ULK4: variants seen among roughly 807,000 people sequenced by gnomAD.
ULK4 encodes the protein inactive serine/threonine-protein kinase ULK4.
A neutral mutation model predicts 160.6 loss-of-function variants in ULK4; 133 were observed. That is an observed-to-expected ratio of 0.83 (90% CI 0.72 to 0.96). The LOEUF is 0.96. Ranked by LOEUF, ULK4 falls within the 40% of genes least tolerant of loss-of-function variation. The probability of loss-of-function intolerance (pLI) is 0.00; values close to 1 mark genes in which losing one functional copy is unlikely to be tolerated. For missense variants in ULK4, 1,580 were observed against 1,499.5 expected (o/e 1.05, Z -0.89); for synonymous variants, 534 against 539.8 (o/e 0.99, Z 0.15).
intron 36 of ULK4, among the ~76,000 whole-genome samples, chr3:41,248,720 G>A (rs780558800): frequency 8.5e-5 from 13 of 152,220 alleles, no homozygotes; most frequent in Non-Finnish European, 1.8e-4. Flanking sequence ...TCCAGTGAAG[G>A]TCAGGCACCC....
chr3:41,769,731 A>T (rs1198366900), intron 21 of ULK4, among the ~76,000 whole-genome samples: 3 of 152,254 alleles, frequency 2.0e-5, no homozygotes, highest in Non-Finnish European at 2.9e-5. Flanking sequence ...AAAATATTTC[A>T]CTATCAAAAT....
At chr3:41,796,750 G>C (rs2040311280) in intron 20 of ULK4, among the ~76,000 whole-genome samples, 1 of 152,066 alleles carries the variant, frequency 6.6e-6, no homozygotes, top group South Asian at 2.1e-4. Context: ...ATCTAGCTTT[G>C]AATAGTGAGA....
At chr3:41,459,378 G>A (rs1468464978) in intron 33 of ULK4, among the ~76,000 whole-genome samples, 2 of 152,046 alleles carry the variant, frequency 1.3e-5, no homozygotes, top group East Asian at 1.9e-4. Context: ...AGTTCCTGTC[G>A]TTATATCTCC....
intron 22 of ULK4, among the ~76,000 whole-genome samples, chr3:41,745,517 C>T (rs73069392): frequency 0.2 from 29,717 of 151,280 alleles, 3,239 homozygotes; most frequent in Middle Eastern, 0.34. Context: ...TAAAAGTTCC[C>T]GAAGATAAAT....
At chr3:41,665,428 A>G (rs2035321265) in intron 29 of ULK4, among the ~76,000 whole-genome samples, 1 of 152,190 alleles carries the variant, frequency 6.6e-6, no homozygotes, top group Non-Finnish European at 1.5e-5. Flanking sequence ...GCTCATACTC[A>G]AATGGGACCT....
intron 17 of ULK4, among the ~76,000 whole-genome samples, chr3:41,856,619 A>G (rs1475777244): frequency 2.5e-5 from 3 of 119,232 alleles, no homozygotes; most frequent in East Asian, 5.9e-4. Context: ...ATATATACAC[A>G]TATATATATA....
chr3:41,247,071 T>A, intron 36 of ULK4, 79 bp from the exon 37 acceptor site: 1 of 1,384,206 alleles, frequency 7.2e-7, no homozygotes, highest in African/African-American at 1.4e-5. Flanking sequence ...GGGGCCAGCC[T>A]CTTTTGCACC....
intron 31 of ULK4, among the ~76,000 whole-genome samples, chr3:41,609,480 T>C (rs532168848): frequency 6.6e-6 from 1 of 152,314 alleles, no homozygotes; most frequent in South Asian, 2.1e-4. Flanking sequence ...ACCTCACATG[T>C]ACTTTAATGG....
At chr3:41,272,073 C>T (rs2079147050) in intron 35 of ULK4, among the ~76,000 whole-genome samples, 1 of 152,100 alleles carries the variant, frequency 6.6e-6, no homozygotes, top group Non-Finnish European at 1.5e-5. Flanking sequence ...TGTGCCACAA[C>T]ACCCAGCTAA....
At chr3:41,851,390 CG>C (rs2042209384) in intron 17 of ULK4, among the ~76,000 whole-genome samples, 3 of 152,022 alleles carry the variant, frequency 2.0e-5, no homozygotes, top group Admixed American at 2.0e-4. Context: ...GATTGATTTG[CG>C]TATGTTGAAC....
intron 32 of ULK4, among the ~76,000 whole-genome samples, chr3:41,542,029 C>G (rs1286428320): frequency 6.6e-6 from 1 of 152,122 alleles, no homozygotes; most frequent in Non-Finnish European, 1.5e-5. Context: ...GCCTGATTGT[C>G]CTGGCCAGAA....
intron 35 of ULK4, among the ~76,000 whole-genome samples, chr3:41,345,175 G>A (rs1312430497): frequency 6.6e-6 from 1 of 152,202 alleles, no homozygotes; most frequent in Non-Finnish European, 1.5e-5. Flanking sequence ...CACTGTTGGT[G>A]GGAGTGTAAT....
intron 4 of ULK4, among the ~76,000 whole-genome samples, chr3:41,935,209 A>ATTTATTTATTTTTTTTTT (rs1559660879): frequency 7.4e-6 from 1 of 135,612 alleles, no homozygotes; most frequent in African/African-American, 3.3e-5. Flanking sequence ...TTATTTATTT[A>ATTTATTTATTTTTTTTTT]TTTTTTTTTT....
intron 22 of ULK4, among the ~76,000 whole-genome samples, chr3:41,744,101 C>T (rs2038336988): frequency 1.3e-5 from 2 of 151,712 alleles, no homozygotes; most frequent in South Asian, 2.1e-4. Flanking sequence ...CTCAACAGTG[C>T]TATAAATAAA....
chr3:41,697,647 GT>G (rs895515529), intron 27 of ULK4, among the ~76,000 whole-genome samples: 1 of 151,868 alleles, frequency 6.6e-6, no homozygotes, highest in African/African-American at 2.4e-5. Flanking sequence ...CCAGTTAATT[GT>G]TTTTTTAATT....
intron 35 of ULK4, among the ~76,000 whole-genome samples, chr3:41,338,014 A>T (rs531599634): frequency 1.3e-5 from 2 of 152,224 alleles, no homozygotes; most frequent in Admixed American, 1.3e-4. Flanking sequence ...AAAAGCAGAG[A>T]GTTTTCTCAA....
rs1002855770 is a variant in ULK4 at position 41,790,543 on chromosome 3, T to C, written c.2011-700A>G. On this transcript the variant is annotated intron_variant, in intron 20 of 36. Transcript: ENST00000301831. ...GAAGAAAAAGTCAACAAAAGGTACATAAAGAAGATGACGCTGAGCCAGTTT... is the reference window on the plus strand; with the variant it reads ...GAAGAAAAAGTCAACAAAAGGTACACAAAGAAGATGACGCTGAGCCAGTTT... 9.2e-5 allele frequency among the ~76,000 whole-genome samples: 14 copies of C among 152,144 alleles called. 1 individual carries two copies. Among genetic ancestry groups the C allele is most frequent in the African/African-American group, 2.9e-4 (12 of 41,444 alleles).
At chr3:41,401,598 G>A (rs534720639) in intron 34 of ULK4, among the ~76,000 whole-genome samples, 1 of 152,116 alleles carries the variant, frequency 6.6e-6, no homozygotes, top group East Asian at 1.9e-4. Flanking sequence ...GGTCAACCAT[G>A]GCAACAATGT....
At chr3:41,400,669 T>G (rs9838735) in intron 34 of ULK4, among the ~76,000 whole-genome samples, 9 of 152,104 alleles carry the variant, frequency 5.9e-5, no homozygotes, top group African/African-American at 2.2e-4. Context: ...TTAGCTTTCA[T>G]TCCTCTGGGA....
Sources: gnomAD v4.1 joint callset for allele counts (sites outside exome capture counted in the v4.1 genomes callset) on GRCh38, gnomAD v4.1.1 for gene constraint, MANE v1.5 for transcripts, NCBI Gene and HGNC (gene_info 2026-07-23, HGNC 2026-07-21) for gene names.